Variants in IFITM5 observed in about 807,000 individuals in gnomAD.
IFITM5 encodes interferon-induced transmembrane protein 5.
A neutral mutation model predicts 9.2 loss-of-function variants in IFITM5; 10 were observed. That is an observed-to-expected ratio of 1.09 (90% CI 0.67 to 1.85). The LOEUF (loss-of-function observed/expected upper bound fraction) is 1.85. IFITM5 is among the 40% of genes most tolerant of loss of function. The pLI is 0.00. For synonymous variants in IFITM5, 93 were observed against 86.6 expected, an observed-to-expected ratio of 1.07 and a Z score of -0.41; for missense variants, 225 against 182.6, an observed-to-expected ratio of 1.23 and a Z score of -1.34.
In IFITM5 at chr11:298,616, A is replaced by T; in HGVS notation, c.284T>A (p.Val95Glu). 2 of 1,613,494 alleles carry T rather than the reference A, an allele frequency of 1.2e-6. No individual in the cohort carries two copies. Among genetic ancestry groups the T allele is most frequent in the Non-Finnish European group, 1.7e-6 (2 of 1,179,988 alleles). Residue 95 changes from valine (V) to glutamate (E), a missense_variant, in exon 2 of 2, where the codon GTG becomes GAG. Transcript: ENST00000382614. The stretch of plus-strand genomic sequence containing the variant: ...CAGCCCCAGGAGCAGCAGTGGCGGC[A>T]CCAGCGTCCACATCGCGGCCAGGAT... Reference protein sequence around the residue: ...YNILAAMWTLVPPLLLLGLVV... With the variant: ...YNILAAMWTLEPPLLLLGLVV...
At chr11:298,763 CTGGGGGCCCTTCCCCA>C in intron 1 of IFITM5, 50 bp from the exon 2 acceptor site, 1 of 1,545,132 alleles carries the variant, frequency 6.5e-7, no homozygotes. Context: ...TCCTCGGGGC[CTGGGGGCCCTTCCCCA>C]CCCACACCCT....
At chr11:299,031 T>A (rs989966746) in intron 1 of IFITM5, among the ~76,000 whole-genome samples, 4 of 152,040 alleles carry the variant, frequency 2.6e-5, no homozygotes, top group African/African-American at 9.7e-5. Context: ...CCCTCTTGAT[T>A]GCAGAGACCT....
rs2134037135 is a variant in IFITM5 at position 299,341 on chromosome 11, ACACAGAT to A, written c.143_149del (p.Asn48IlefsTer56). 2 of 1,603,212 alleles carry A rather than the reference ACACAGAT, an allele frequency of 1.2e-6. No individual in the cohort carries two copies. Among genetic ancestry groups the A allele is most frequent in the Non-Finnish European group, 1.7e-6 (2 of 1,175,142 alleles). On this transcript the variant is annotated frameshift_variant, in exon 1 of 2. Coordinates refer to ENST00000382614, the MANE Select transcript of IFITM5 (RefSeq NM_001025295.3). LOFTEE classifies it high-confidence loss of function. ...AGGCCAGCGCCAGGAAGCCGAGGCA[ACACAGAT>A]TCAGGTAGAGGGTGCTGAACACCGA...
At chr11:299,185 GC>G (rs892065241) in intron 1 of IFITM5, 119 bp downstream of exon 1, 5 of 786,138 alleles carry the variant, frequency 6.4e-6, no homozygotes, top group African/African-American at 1.8e-5. Flanking sequence ...GACAAGCAGA[GC>G]CCCCCGCGGC....
intron 1 of IFITM5, among the ~76,000 whole-genome samples, 200 bp downstream of exon 1, chr11:299,105 C>T (rs1283300992): frequency 6.6e-6 from 1 of 151,968 alleles, no homozygotes; most frequent in Non-Finnish European, 1.5e-5. Context: ...AGAAGAGGCC[C>T]CCCGGCCTTG....
rs762079301 is a variant in IFITM5 at position 299,459 on chromosome 11, C to T, written c.32G>A (p.Arg11Gln). ...ACCGGCCTTGCTGGGCGTGGGGGCC[C>T]GGGTGTCCTCGCGGGGATACGCCGT... MDTAYPREDT[R>Q]APTPSKAGAH... The change falls in exon 1 of 2, where the codon CGG becomes CAG. Residue 11 changes from arginine (R) to glutamine (Q), a missense_variant. Physicochemically the swap from Arg to Gln is conservative, Grantham distance 43 (BLOSUM62 1). Coordinates refer to ENST00000382614, the MANE Select transcript of IFITM5 (RefSeq NM_001025295.3). 56 of 1,516,120 alleles carry T rather than the reference C, an allele frequency of 3.7e-5. No homozygotes were observed. The highest frequency in any genetic ancestry group is 1.9e-4 in the South Asian group (15 of 78,482). 93.9% of individuals were successfully genotyped at this position (1,516,120 alleles called of 1,614,324 possible).
Position 299,432 on chromosome 11 carries a change from G to A in IFITM5, c.59C>T (p.Ala20Val). ...GGCCCCCAGTGTGAGGGCTGTGTGG[G>A]CACCGGCCTTGCTGGGCGTGGGGGC... ...TRAPTPSKAG[A>V]HTALTLGAPH... is the part of the protein sequence containing the mutation. Residue 20 changes from alanine to valine, a missense_variant, in exon 1 of 2, where the codon GCC becomes GTC. Coordinates refer to ENST00000382614, the MANE Select transcript of IFITM5 (RefSeq NM_001025295.3). The A allele has an allele frequency of 6.5e-7, 1 of 1,542,154 alleles. No individual in the cohort carries two copies.
rs374540672 is a variant in IFITM5 at position 298,694 on chromosome 11, A to G, written c.206T>C (p.Val69Ala). Residue 69 changes from valine to alanine, a missense_variant, in exon 2 of 2, where the codon GTT (valine) becomes GCT (alanine). Coordinates refer to ENST00000382614, the MANE Select transcript of IFITM5 (RefSeq NM_001025295.3). The stretch of plus-strand genomic sequence containing the variant: ...ACGCCGGGCCGCTTCCAGGTCACCA[A>G]CCACCTTCTGATCTCGGGCCTGCAG... ...YSIKARDQKV[V>A]GDLEAARRFG... 11 of 1,613,324 alleles carry G rather than the reference A, an allele frequency of 6.8e-6. No individual in the cohort carries two copies. The African/African-American group carries it at 9.3e-5, about 14-fold the overall frequency.
chr11:298,348 T>G lies in IFITM5; in HGVS notation c.*153A>C. Reference sequence around the variant, plus strand: ...TGACTGGTTCAGCCTTAGGTGCCCATGTTGGGGCTGGAGGGCCCCAGGATC... The same window carrying G: ...TGACTGGTTCAGCCTTAGGTGCCCAGGTTGGGGCTGGAGGGCCCCAGGATC... On this transcript the variant is annotated 3_prime_UTR_variant, in exon 2 of 2. Coordinates refer to ENST00000382614, the MANE Select transcript of IFITM5 (RefSeq NM_001025295.3). The G allele has an allele frequency of 2.5e-6, 2 of 794,870 alleles. No individual in the cohort carries two copies. Among genetic ancestry groups the G allele is most frequent in the Non-Finnish European group, 3.9e-6 (2 of 509,972 alleles). 49.2% of individuals were successfully genotyped at this position (794,870 alleles called of 1,614,324 possible).
rs1344002145 is a variant in IFITM5 at position 298,623 on chromosome 11, T to G, written c.277A>C (p.Thr93Pro). Residue 93 changes from threonine to proline, a missense_variant, in exon 2 of 2, where the codon ACG becomes CCG. By Grantham distance (38) the Thr-to-Pro change is conservative (BLOSUM62 -1). Transcript: ENST00000382614. Reference protein sequence around the residue: ...KCYNILAAMWTLVPPLLLLGL... With the variant: ...KCYNILAAMWPLVPPLLLLGL... ...AGGAGCAGCAGTGGCGGCACCAGCG[T>G]CCACATCGCGGCCAGGATGTTGTAG... 1 of 1,613,520 alleles carries G rather than the reference T, an allele frequency of 6.2e-7. No homozygotes were observed. Among genetic ancestry groups the G allele is most frequent in the South Asian group, 1.1e-5 (1 of 91,080 alleles).
rs762131494 is a variant in IFITM5 at position 298,493 on chromosome 11, C to T, written c.*8G>A. ...TGGGGCTAGTGCCCCAGATCAGGACCCAGCCTGTCAGTCATAGTCCGCGTC... is the reference window on the plus strand; with the variant it reads ...TGGGGCTAGTGCCCCAGATCAGGACTCAGCCTGTCAGTCATAGTCCGCGTC... On this transcript the variant is annotated 3_prime_UTR_variant, in exon 2 of 2. Coordinates refer to ENST00000382614, the MANE Select transcript of IFITM5 (RefSeq NM_001025295.3). 1.1e-5 allele frequency: 18 copies of T among 1,608,632 alleles called. No homozygotes were observed. Among genetic ancestry groups the T allele is most frequent in the Non-Finnish European group, 1.4e-5 (16 of 1,178,848 alleles).
intron 1 of IFITM5, 103 bp from the exon 2 acceptor site, chr11:298,816 C>CAAT: frequency 1.8e-6 from 2 of 1,131,500 alleles, no homozygotes; most frequent in South Asian, 3.0e-5. Context: ...CCTACTGCAC[C>CAAT]CAAAATCTGG....
In IFITM5 at chr11:299,359, G is replaced by A; in HGVS notation, c.132C>T (p.Thr44=). ...CGAGGCAACACAGATTCAGGTAGAGGGTGCTGAACACCGACCAGATCAAGT... is the reference window on the plus strand; with the variant it reads ...CGAGGCAACACAGATTCAGGTAGAGAGTGCTGAACACCGACCAGATCAAGT... The part of the protein sequence containing the change: ...RDHLIWSVFS[T]LYLNLCCLGF... Residue 44 remains threonine (T), a synonymous_variant, in exon 1 of 2, where the codon ACC becomes ACT. Coordinates refer to ENST00000382614, the MANE Select transcript of IFITM5 (RefSeq NM_001025295.3). 2.5e-6 allele frequency: 4 copies of A among 1,601,086 alleles called. No individual in the cohort carries two copies. Among genetic ancestry groups the A allele is most frequent in the Non-Finnish European group, 2.6e-6 (3 of 1,174,254 alleles).
chr11:299,236 C>G (rs867243829), intron 1 of IFITM5, 69 bp downstream of exon 1: 2 of 1,317,688 alleles, frequency 1.5e-6, no homozygotes, highest in African/African-American at 1.5e-5. Flanking sequence ...CTCCCCATCC[C>G]TCCCCCTTCC....
Position 298,723 on chromosome 11 carries a change from G to C in IFITM5, c.187-10C>G. On this transcript the variant is annotated splice_polypyrimidine_tract_variant and intron_variant, in intron 1 of 1. Coordinates refer to ENST00000382614, the MANE Select transcript of IFITM5 (RefSeq NM_001025295.3). ...CCTTCTGATCTCGGGCCTGCAGAGA[G>C]ACCAGACCACAGGGCCAGATCTCTA... 1 of 1,611,950 alleles carries C rather than the reference G, an allele frequency of 6.2e-7. No homozygotes were observed. The highest frequency in any genetic ancestry group is 1.1e-5 in the South Asian group (1 of 90,906).
Position 299,477 on chromosome 11 carries a change from T to A in IFITM5, c.14A>T (p.Tyr5Phe). 6.7e-7 allele frequency: 1 copy of A among 1,491,174 alleles called. No individual in the cohort carries two copies. The allele number at this position is 1,491,174 out of a possible 1,614,324, so 92.4% of individuals were successfully genotyped here. A position where few individuals can be genotyped will look rare whatever the true frequency, so the allele number is the denominator to read the frequency against. The change falls in exon 1 of 2, where the codon TAT (tyrosine) becomes TTT (phenylalanine). Residue 5 changes from tyrosine to phenylalanine, a missense_variant. Tyr to Phe is a conservative substitution (Grantham distance 22). Coordinates refer to ENST00000382614, the MANE Select transcript of IFITM5 (RefSeq NM_001025295.3). ...GGGGGCCCGGGTGTCCTCGCGGGGA[T>A]ACGCCGTGTCCATGGGTTCCAGCGC... MDTA[Y>F]PREDTRAPTP...
intron 1 of IFITM5, among the ~76,000 whole-genome samples, 166 bp downstream of exon 1, chr11:299,139 G>A (rs557775145): frequency 6.6e-6 from 1 of 151,420 alleles, no homozygotes; most frequent in Non-Finnish European, 1.5e-5. Flanking sequence ...CTCTTTCCCG[G>A]CCATACTGAT....
rs755986012 is a variant in IFITM5 at position 298,673 on chromosome 11, C to T, written c.227G>A (p.Arg76Gln). The T allele has an allele frequency of 7.9e-5, 127 of 1,613,534 alleles. No individual in the cohort carries two copies. In the Admixed American group the frequency reaches 1.1e-3, roughly 14 times the overall value. ...GCACTTGGCTTTGGAGCCAAAACGCCGGGCCGCTTCCAGGTCACCAACCAC... is the reference window on the plus strand; with the variant it reads ...GCACTTGGCTTTGGAGCCAAAACGCTGGGCCGCTTCCAGGTCACCAACCAC... ...QKVVGDLEAA[R>Q]RFGSKAKCYN... is the part of the protein sequence containing the mutation. Residue 76 changes from arginine to glutamine, a missense_variant, in exon 2 of 2, where the codon CGG becomes CAG. Arg to Gln is a conservative substitution (Grantham distance 43, BLOSUM62 1). Transcript: ENST00000382614.
In IFITM5 at chr11:299,395, CG is replaced by C. The variant is rs774773661; in HGVS notation, c.95del (p.Pro32ArgfsTer6). 2.6e-6 allele frequency: 4 copies of C among 1,566,838 alleles called. No homozygotes were observed. Among genetic ancestry groups the C allele is most frequent in the Non-Finnish European group, 3.5e-6 (4 of 1,157,844 alleles). On this transcript the variant is annotated frameshift_variant, in exon 1 of 2. Transcript: ENST00000382614. LOFTEE classifies it high-confidence loss of function. ...CCGACCAGATCAAGTGGTCTCGAGGCGGGGGGTGCGGGGCCCCCAGTGTGAG... is the reference window on the plus strand; with the variant it reads ...CCGACCAGATCAAGTGGTCTCGAGGCGGGGGTGCGGGGCCCCCAGTGTGAG... Reference protein sequence around the residue: ...TALTLGAPHPPPRDHLIWSVF... With the variant: ...TALTLGAPHPXPRDHLIWSVF...
Sources: allele counts gnomAD v4.1 joint callset (sites outside exome capture counted in the v4.1 genomes callset), GRCh38; gene constraint gnomAD v4.1.1; transcripts MANE v1.5; gene names NCBI Gene and HGNC (gene_info 2026-07-23, HGNC 2026-07-21).